Variants in ADGRG5 observed in about 807,000 individuals in gnomAD.
ADGRG5 encodes adhesion G protein-coupled receptor G5, also known as G protein-coupled receptor 114.
In ADGRG5, 37 loss-of-function variants were observed where a neutral mutation model predicts 53.2. That is an observed-to-expected ratio of 0.70 (90% CI 0.53 to 0.91). The LOEUF is 0.91. Ranked by LOEUF, ADGRG5 falls within the 40% of genes least tolerant of loss-of-function variation. The pLI is 0.00. For synonymous variants in ADGRG5, 277 were observed against 290.4 expected, an observed-to-expected ratio of 0.95 and a Z score of 0.47; for missense variants, 614 against 675.8, an observed-to-expected ratio of 0.91 and a Z score of 1.01.
intron 1 of ADGRG5, among the ~76,000 whole-genome samples, chr16:57,551,668 C>T (rs78795440): frequency 0.014 from 2,186 of 152,310 alleles, 43 homozygotes; most frequent in African/African-American, 0.049. Context: ...CCCTCAAAGT[C>T]GTCCATGAAG....
At position 57,563,033 on chromosome 16, in the gene ADGRG5, C is replaced by T. The variant is rs1430680253; in HGVS notation, c.141-58C>T. ...GCCCTCCCAGGCTGTCTACAGCCCC[C>T]TCTCACCCTTACCCCACTCCGGGCT... On this transcript the variant is annotated intron_variant, in intron 3 of 11. Transcript: ENST00000349457. The T allele has an allele frequency of 8.8e-6, 14 of 1,598,676 alleles. No homozygotes were observed. The Admixed American group carries it at 1.5e-4, about 17-fold the overall frequency.
intron 1 of ADGRG5, among the ~76,000 whole-genome samples, chr16:57,545,612 C>T (rs1361808427): frequency 1.3e-5 from 2 of 152,214 alleles, no homozygotes; most frequent in African/African-American, 4.8e-5. Flanking sequence ...CTGCATTTTG[C>T]TTTTTCACTT....
chr16:57,562,857 T>C (rs572467097), intron 3 of ADGRG5, among the ~76,000 whole-genome samples: 1 of 152,138 alleles, frequency 6.6e-6, no homozygotes, highest in Admixed American at 6.5e-5. Context: ...CAGGGAAGGC[T>C]TCCTGGAGGA....
chr16:57,572,615 C>G (rs934609249), intron 10 of ADGRG5, among the ~76,000 whole-genome samples: 1 of 152,170 alleles, frequency 6.6e-6, no homozygotes, highest in Non-Finnish European at 1.5e-5. Context: ...TCGCTTGAAC[C>G]CGGGAGGTGG....
intron 10 of ADGRG5, among the ~76,000 whole-genome samples, chr16:57,572,466 G>C (rs1176480334): frequency 2.6e-5 from 4 of 151,658 alleles, no homozygotes; most frequent in South Asian, 2.1e-4. Context: ...GCGAGACTCT[G>C]ACTCAAACAA....
chr16:57,543,611 GTTGA>G (rs1328593022), intron 1 of ADGRG5, among the ~76,000 whole-genome samples: 5 of 152,240 alleles, frequency 3.3e-5, no homozygotes, highest in African/African-American at 1.2e-4. Context: ...GAGACCACAG[GTTGA>G]TTGATTCCTC....
At chr16:57,538,092 A>G (rs2032432764), upstream of ADGRG5, among the ~76,000 whole-genome samples, 1 of 152,158 alleles carries the variant, frequency 6.6e-6, no homozygotes, top group South Asian at 2.1e-4. Flanking sequence ...AACTCCAGCT[A>G]TAACCTCATC....
chr16:57,562,203 G>T, intron 2 of ADGRG5, 46 bp downstream of exon 2: 1 of 1,545,938 alleles, frequency 6.5e-7, no homozygotes, highest in Non-Finnish European at 8.8e-7. Flanking sequence ...CCCAGTCGTG[G>T]GACTGTGATG....
chr16:57,569,068 T>C, intron 9 of ADGRG5, among the ~76,000 whole-genome samples: 1 of 144,368 alleles, frequency 6.9e-6, no homozygotes, highest in East Asian at 2.2e-4. Context: ...CATCACCTCC[T>C]CCACCTTCAT....
At chr16:57,531,293 AGAAGGCACTTCCTCACTCCTTCCAGCTTT>A in the ADGRG5 span, among the ~76,000 whole-genome samples, 1 of 146,680 alleles carries the variant, frequency 6.8e-6, no homozygotes, top group Non-Finnish European at 1.5e-5. Flanking sequence ...CTCCTTCCAG[AGAAGGCACTTCCTCACTCCTTCCAGCTTT>A]GAAGGCACCC....
At chr16:57,567,728 G>A (rs2033176164) in intron 8 of ADGRG5, 128 bp from the exon 9 acceptor site, 2 of 1,413,058 alleles carry the variant, frequency 1.4e-6, no homozygotes, top group Admixed American at 1.9e-5. Context: ...GCCTTGTGGT[G>A]CGACTGCTGT....
chr16:57,567,745 C>G, intron 8 of ADGRG5, 111 bp from the exon 9 acceptor site: 1 of 1,431,336 alleles, frequency 7.0e-7, no homozygotes. Flanking sequence ...CTGTGGGATC[C>G]CTGCCCCTTC....
At chr16:57,541,192 A>G (rs1255999901), upstream of ADGRG5, among the ~76,000 whole-genome samples, 1 of 152,180 alleles carries the variant, frequency 6.6e-6, no homozygotes, top group Admixed American at 6.5e-5. Flanking sequence ...AACTGAAGCA[A>G]GGCACAGTGA....
At position 57,545,309 on chromosome 16, in the gene ADGRG5, G is replaced by A. The variant is rs561974129; in HGVS notation, c.-39+2608G>A. Among the ~76,000 whole-genome samples the A allele has an allele frequency of 3.3e-5, 5 of 152,208 alleles. No homozygotes were observed. In the South Asian group the frequency reaches 6.2e-4, roughly 19 times the overall value. On this transcript the variant is annotated intron_variant, in intron 1 of 11. Coordinates refer to ENST00000349457, the MANE Select transcript of ADGRG5 (RefSeq NM_001304376.3). ...GATTTATATCTCCCAGTGCATCCCA[G>A]TATCAATGCAAATGGACTGGAGATT...
intron 2 of ADGRG5, 98 bp downstream of exon 2, chr16:57,562,255 C>A: frequency 7.0e-7 from 1 of 1,422,564 alleles, no homozygotes; most frequent in Non-Finnish European, 9.7e-7. Flanking sequence ...TGAAAAGGGC[C>A]ACTTAGGCTT....
In ADGRG5 at chr16:57,575,820, G is replaced by A; in HGVS notation, c.*282G>A. The A allele has an allele frequency of 2.4e-6, 1 of 416,450 alleles. No individual in the cohort carries two copies. The highest frequency in any genetic ancestry group is 4.5e-6 in the Non-Finnish European group (1 of 223,596). The allele number at this position is 416,450 out of a possible 1,614,324, so 25.8% of individuals were successfully genotyped here. ...CGCCAGGGATGTGGGCAGAGCACCAGCCTGGGCATCAGGAAGCCAAGTTTC... is the reference window on the plus strand; with the variant it reads ...CGCCAGGGATGTGGGCAGAGCACCAACCTGGGCATCAGGAAGCCAAGTTTC... On this transcript the variant is annotated 3_prime_UTR_variant, in exon 12 of 12. Transcript: ENST00000349457.
chr16:57,538,916 C>A (rs1236214499), upstream of ADGRG5, among the ~76,000 whole-genome samples: 1 of 151,996 alleles, frequency 6.6e-6, no homozygotes, highest in African/African-American at 2.4e-5. Context: ...GTATAACTTG[C>A]CACAAATAGA....
chr16:57,546,126 C>T (rs965857969), intron 1 of ADGRG5, among the ~76,000 whole-genome samples: 1 of 151,774 alleles, frequency 6.6e-6, no homozygotes, highest in African/African-American at 2.4e-5. Context: ...GTGTCTGGCT[C>T]TATTTATTTA....
Position 57,565,058 on chromosome 16 carries a change from A to C in ADGRG5, c.454A>C (p.Asn152His). The change falls in exon 6 of 12, where the codon AAT (asparagine) becomes CAT (histidine). Residue 152 changes from asparagine to histidine, a missense_variant. Transcript: ENST00000349457. Reference sequence around the variant, plus strand: ...GGATGAAAACAACTCATCTCTGCTGAATAACTACGTCCTGGGGGCCCAGCT... The same window carrying C: ...GGATGAAAACAACTCATCTCTGCTGCATAACTACGTCCTGGGGGCCCAGCT... ...FKDENNSSLL[N>H]NYVLGAQLSH... is the part of the protein sequence containing the mutation. The C allele has an allele frequency of 1.2e-6, 2 of 1,613,636 alleles. No homozygotes were observed. The highest frequency in any genetic ancestry group is 2.7e-5 in the African/African-American group (2 of 75,016).
Sources: allele counts gnomAD v4.1 joint callset (sites outside exome capture counted in the v4.1 genomes callset), GRCh38; gene constraint gnomAD v4.1.1; transcripts MANE v1.5; gene names NCBI Gene and HGNC (gene_info 2026-07-23, HGNC 2026-07-21).